Variants in ABCC2 observed in about 807,000 individuals in gnomAD.
The protein encoded by ABCC2 is ATP binding cassette subfamily C member 2.
Under a neutral mutation model 173.4 loss-of-function variants are expected in ABCC2, and 157 were observed. The ratio of observed to expected loss-of-function variants is 0.91; its 90% CI spans 0.80 to 1.03. The LOEUF (loss-of-function observed/expected upper bound fraction) is 1.03, where lower values mean the gene tolerates loss of function less well. ABCC2 is among the 50% of genes least tolerant of loss of function. ABCC2 has a pLI of 0.00. For missense variants in ABCC2, 1,822 were observed against 1,852.3 expected (o/e 0.98, Z 0.30); for synonymous variants, 657 against 693.5 (o/e 0.95, Z 0.83).
At chr10:99,824,502 C>T (rs2038593839) in intron 19 of ABCC2, among the ~76,000 whole-genome samples, 1 of 152,142 alleles carries the variant, frequency 6.6e-6, no homozygotes, top group African/African-American at 2.4e-5. Context: ...AAACTTGTCT[C>T]TAACTGGTTG....
intron 25 of ABCC2, among the ~76,000 whole-genome samples, chr10:99,837,139 T>C (rs958287482): frequency 1.4e-4 from 19 of 139,474 alleles, no homozygotes; most frequent in Admixed American, 1.4e-3. Flanking sequence ...AGAAAGTCCT[T>C]TTTTTTTTTT....
At position 99,819,257 on chromosome 10, in the gene ABCC2, GA is replaced by G. The variant is rs1564689100; in HGVS notation, c.2609del (p.Glu870GlyfsTer18). ...KTFLRHTGPE[E>X]EATVHDGSEE... Reference sequence around the variant, plus strand: ...ATTTCTAAGACATACAGGCCCTGAAGAGGAAGCCACAGGTATGTAAGAAGGA... The same window carrying G: ...ATTTCTAAGACATACAGGCCCTGAAGGGAAGCCACAGGTATGTAAGAAGGA... On this transcript the variant is annotated frameshift_variant, in exon 19 of 32. Coordinates refer to ENST00000647814, the MANE Select transcript of ABCC2 (RefSeq NM_000392.5). LOFTEE classifies it high-confidence loss of function. The G allele has an allele frequency of 1.2e-6, 2 of 1,613,562 alleles. No individual in the cohort carries two copies. The highest frequency in any genetic ancestry group is 8.5e-7 in the Non-Finnish European group (1 of 1,180,020).
At chr10:99,810,091 G>C (rs372247652) in intron 13 of ABCC2, 43 bp from the exon 14 acceptor site, 2 of 1,564,152 alleles carry the variant, frequency 1.3e-6, no homozygotes, top group Non-Finnish European at 1.8e-6. Flanking sequence ...GCTTGTGCTC[G>C]TTACTGACTT....
intron 19 of ABCC2, among the ~76,000 whole-genome samples, chr10:99,829,687 A>C (rs540898180): frequency 6.6e-6 from 1 of 152,258 alleles, no homozygotes; most frequent in African/African-American, 2.4e-5. Flanking sequence ...GCTGGAGTAC[A>C]TTGGCACAAT....
At chr10:99,830,621 A>G in intron 20 of ABCC2, 95 bp from the exon 21 acceptor site, 3 of 1,597,474 alleles carry the variant, frequency 1.9e-6, no homozygotes, top group Non-Finnish European at 2.6e-6. Flanking sequence ...TCTGCCCTGA[A>G]ATGCGCTTTG....
Position 99,805,506 on chromosome 10 carries a change from G to A in ABCC2, c.1530+59G>A, listed in dbSNP as rs374035542. 4.5e-6 allele frequency: 7 copies of A among 1,549,368 alleles called. No homozygotes were observed. The African/African-American group carries it at 9.5e-5, about 21-fold the overall frequency. ...TAAGGACAGAAGCAGTGGCTCTCTT[G>A]GCCTTTGCAAACCCTGGTAGAGGTG... is the stretch of plus-strand genomic sequence containing the variant. On this transcript the variant is annotated intron_variant, in intron 11 of 31. Transcript: ENST00000647814.
intron 19 of ABCC2, among the ~76,000 whole-genome samples, chr10:99,822,461 G>A (rs916777381): frequency 2.0e-5 from 3 of 151,814 alleles, no homozygotes; most frequent in Non-Finnish European, 4.4e-5. Flanking sequence ...GCTTTTCTTT[G>A]CATCTCCGAT....
chr10:99,809,421 G>A (rs1433782996), intron 13 of ABCC2, among the ~76,000 whole-genome samples: 1 of 152,180 alleles, frequency 6.6e-6, no homozygotes, highest in East Asian at 1.9e-4. Flanking sequence ...GGGGTACTCT[G>A]TTTTTGAGGA....
rs374213402 is a variant in ABCC2, at chr10:99,845,813, C to T, written c.4146+31C>T. 42 of 1,593,400 alleles carry T rather than the reference C, an allele frequency of 2.6e-5. No homozygotes were observed. In the African/African-American group the frequency reaches 3.9e-4, roughly 15 times the overall value. ...CTCTAGAACTTACTCGGGCACATGC[C>T]GTGGGGAGCAGCTTGTTTTACAGGA... is the stretch of plus-strand genomic sequence containing the variant. On this transcript the variant is annotated intron_variant, in intron 29 of 31. Coordinates refer to ENST00000647814, the MANE Select transcript of ABCC2 (RefSeq NM_000392.5).
Position 99,819,164 on chromosome 10 carries a change from A to G in ABCC2, c.2515A>G (p.Ile839Val). Reference sequence around the variant, plus strand: ...GATTGTAGTTCTGGGGAATGGAACAATTGTAGAGAAAGGATCCTACAGTGC... The same window carrying G: ...GATTGTAGTTCTGGGGAATGGAACAGTTGTAGAGAAAGGATCCTACAGTGC... ...DEIVVLGNGT[I>V]VEKGSYSALL... The change falls in exon 19 of 32, where the codon ATT becomes GTT. Residue 839 changes from isoleucine (I) to valine (V), a missense_variant. Transcript: ENST00000647814. 6.2e-7 allele frequency: 1 copy of G among 1,614,194 alleles called. No homozygotes were observed. Among genetic ancestry groups the G allele is most frequent in the Non-Finnish European group, 8.5e-7 (1 of 1,180,018 alleles).
At chr10:99,821,857 G>A (rs560311538) in intron 19 of ABCC2, among the ~76,000 whole-genome samples, 9 of 151,962 alleles carry the variant, frequency 5.9e-5, no homozygotes, top group African/African-American at 1.9e-4. Flanking sequence ...CTCGATGGTC[G>A]CTGTCTCTTC....
intron 19 of ABCC2, among the ~76,000 whole-genome samples, chr10:99,824,804 C>A (rs1243162883): frequency 2.0e-5 from 3 of 150,586 alleles, no homozygotes; most frequent in Non-Finnish European, 3.0e-5. Flanking sequence ...TTAACATACG[C>A]CATTTGCCTG....
chr10:99,850,499 G>C (rs561108359), intron 30 of ABCC2, 103 bp from the exon 31 acceptor site: 1 of 1,130,376 alleles, frequency 8.8e-7, no homozygotes, highest in Non-Finnish European at 1.3e-6. Context: ...ATTTTGGAGG[G>C]GGGGTTTTGA....
At position 99,845,699 on chromosome 10, in the gene ABCC2, G is replaced by A. The variant is rs189165453; in HGVS notation, c.4063G>A (p.Gly1355Ser). 1 of 1,613,998 alleles carries A rather than the reference G, an allele frequency of 6.2e-7. No individual in the cohort carries two copies. The highest frequency in any genetic ancestry group is 2.2e-5 in the East Asian group (1 of 44,872). The change falls in exon 29 of 32, where the codon GGT becomes AGT. Residue 1355 changes from glycine to serine, a missense_variant. Physicochemically the swap from Gly to Ser is moderately conservative, Grantham distance 56. Coordinates refer to ENST00000647814, the MANE Select transcript of ABCC2 (RefSeq NM_000392.5). ...CCTCTTCAGAATCTTAGAGGCTGCC[G>A]GTGGTCAGATTATCATTGATGGAGT... ...NCLFRILEAA[G>S]GQIIIDGVDI...
chr10:99,810,416 T>A (rs2038189897), intron 14 of ABCC2, among the ~76,000 whole-genome samples, 198 bp downstream of exon 14: 1 of 152,208 alleles, frequency 6.6e-6, no homozygotes, highest in Admixed American at 6.5e-5. Context: ...GATTGCTAAG[T>A]AAAGCTGGGC....
chr10:99,796,169 C>T (rs1341859560), intron 6 of ABCC2, among the ~76,000 whole-genome samples: 1 of 152,070 alleles, frequency 6.6e-6, no homozygotes, highest in Non-Finnish European at 1.5e-5. Flanking sequence ...TGGAGAACAG[C>T]CTGGCTAACA....
At position 99,850,895 on chromosome 10, in the gene ABCC2, C is replaced by T. The variant is rs141656607; in HGVS notation, c.4508+99C>T. On this transcript the variant is annotated intron_variant, in intron 31 of 31. Coordinates refer to ENST00000647814, the MANE Select transcript of ABCC2 (RefSeq NM_000392.5). ...CACCTGATGGCAGAAGGTTTAACCA[C>T]CACCACATTACTGATGAAGAAACTG... 1.4e-4 allele frequency: 191 copies of T among 1,380,414 alleles called. 1 individual carries two copies. Among genetic ancestry groups the T allele is most frequent in the Middle Eastern group, 7.5e-4 (4 of 5,324 alleles). The allele number at this position is 1,380,414 out of a possible 1,614,324, so 85.5% of individuals were successfully genotyped here.
At chr10:99,822,729 G>A (rs1346463402) in intron 19 of ABCC2, among the ~76,000 whole-genome samples, 1 of 152,092 alleles carries the variant, frequency 6.6e-6, no homozygotes, top group Non-Finnish European at 1.5e-5. Flanking sequence ...GCTAGATTAA[G>A]TTGCATCTGA....
intron 11 of ABCC2, among the ~76,000 whole-genome samples, chr10:99,806,925 T>G (rs2038118525): frequency 6.6e-6 from 1 of 152,230 alleles, no homozygotes; most frequent in Non-Finnish European, 1.5e-5. Flanking sequence ...GTGGCAAAAC[T>G]AAAAGAGAGA....
Sources: allele counts gnomAD v4.1 joint callset (sites outside exome capture counted in the v4.1 genomes callset), GRCh38; gene constraint gnomAD v4.1.1; transcripts MANE v1.5; gene names NCBI Gene and HGNC (gene_info 2026-07-23, HGNC 2026-07-21).